SYT1: variants seen among roughly 807,000 people sequenced by gnomAD.
SYT1 encodes the protein synaptotagmin 1.
A neutral mutation model predicts 44.8 loss-of-function variants in SYT1; 8 were observed. The observed-to-expected ratio is 0.18, with a 90% confidence interval of 0.10 to 0.32. The LOEUF (loss-of-function observed/expected upper bound fraction) is 0.32, where lower values mean the gene tolerates loss of function less well. Among genes scored for constraint, SYT1 ranks in the 10% least tolerant of loss-of-function variants. SYT1 has a pLI of 1.00. For missense variants in SYT1, 286 were observed against 509.3 expected (o/e 0.56, Z 4.22); for synonymous variants, 154 against 188.8 (o/e 0.82, Z 1.51).
chr12:79,440,013 G>T (rs138122518), intron 9 of SYT1, among the ~76,000 whole-genome samples: 183 of 152,194 alleles, frequency 1.2e-3, no homozygotes, highest in African/African-American at 4.3e-3. Context: ...ATCACCTGAG[G>T]TCAGGAGCTC....
chr12:79,006,647 G>A (rs999152590), intron 2 of SYT1, among the ~76,000 whole-genome samples: 2 of 151,834 alleles, frequency 1.3e-5, no homozygotes, highest in African/African-American at 4.8e-5. Context: ...TTTTGTTTTG[G>A]GTTTTGTTAT....
chr12:79,050,577 A>G (rs897231910), intron 3 of SYT1, among the ~76,000 whole-genome samples: 14 of 151,986 alleles, frequency 9.2e-5, no homozygotes, highest in Non-Finnish European at 1.9e-4. Context: ...CGTGTTAGAA[A>G]CTCTTCATAT....
rs1565723159 is a variant in SYT1 at position 78,931,203 on chromosome 12, GAAAGAAAGAAAGAAAGA to G, written c.-216-46593_-216-46577del. Among the ~76,000 whole-genome samples the G allele has an allele frequency of 5.9e-4, 23 of 38,998 alleles. 1 individual carries two copies. The highest frequency in any genetic ancestry group is 2.7e-3 in the African/African-American group (19 of 7,062). 25.6% of individuals were successfully genotyped at this position (38,998 alleles called of 152,430 possible). On this transcript the variant is annotated intron_variant, in intron 1 of 10. Coordinates refer to ENST00000261205, the MANE Select transcript of SYT1 (RefSeq NM_005639.3). ...AAAAAGAAAGAAAGAAAGAAAGAAA[GAAAGAAAGAAAGAAAGA>G]AAGAAAGAAAGAAAGAAAGAAGGAA...
chr12:79,430,189 T>A (rs1301592612), intron 9 of SYT1, among the ~76,000 whole-genome samples: 1 of 152,226 alleles, frequency 6.6e-6, no homozygotes, highest in Non-Finnish European at 1.5e-5. Context: ...GTTCTCTAGC[T>A]GTAAAACTTG....
In SYT1 at chr12:79,296,240, TTTG is replaced by T. The variant is rs761933348; in HGVS notation, c.642+7_642+9del. ...CAATGAGCAATTTACTTTCAAGGTA[TTTG>T]TTAACATTTATTTATAACCTTTCCT... On this transcript the variant is annotated splice_donor_5th_base_variant and intron_variant, in intron 7 of 10. Coordinates refer to ENST00000261205, the MANE Select transcript of SYT1 (RefSeq NM_005639.3). 1 of 1,611,302 alleles carries T rather than the reference TTTG, an allele frequency of 6.2e-7. No homozygotes were observed. Among genetic ancestry groups the T allele is most frequent in the Non-Finnish European group, 8.5e-7 (1 of 1,178,818 alleles).
chr12:79,327,854 G>C (rs1881673207), intron 8 of SYT1, among the ~76,000 whole-genome samples: 1 of 152,172 alleles, frequency 6.6e-6, no homozygotes, highest in Non-Finnish European at 1.5e-5. Flanking sequence ...AGAGGAAGCA[G>C]GGAAAGCATT....
intron 3 of SYT1, among the ~76,000 whole-genome samples, chr12:79,114,470 A>C (rs1416925635): frequency 6.6e-6 from 1 of 152,108 alleles, no homozygotes; most frequent in Non-Finnish European, 1.5e-5. Context: ...AAGGGGGCTG[A>C]TGCTCAATTC....
At chr12:79,111,079 A>T (rs891941130) in intron 3 of SYT1, among the ~76,000 whole-genome samples, 10 of 152,142 alleles carry the variant, frequency 6.6e-5, no homozygotes, top group Non-Finnish European at 1.3e-4. Flanking sequence ...ATGAAAAATG[A>T]AGGATGTTCT....
intron 3 of SYT1, among the ~76,000 whole-genome samples, chr12:79,102,188 C>T (rs1765985862): frequency 6.6e-6 from 1 of 152,046 alleles, no homozygotes; most frequent in African/African-American, 2.4e-5. Context: ...GCAAAAAATG[C>T]TTTATAATAT....
chr12:78,988,780 G>C (rs1211943353), intron 2 of SYT1, among the ~76,000 whole-genome samples: 1 of 152,046 alleles, frequency 6.6e-6, no homozygotes, highest in Non-Finnish European at 1.5e-5. Flanking sequence ...CCATTGGAGG[G>C]TTTTCAATAG....
intron 3 of SYT1, among the ~76,000 whole-genome samples, chr12:79,216,157 C>T (rs1399286977): frequency 6.6e-6 from 1 of 152,008 alleles, no homozygotes; most frequent in African/African-American, 2.4e-5. Context: ...TCTCGAACTC[C>T]TGACCTCAAG....
intron 5 of SYT1, among the ~76,000 whole-genome samples, chr12:79,288,091 G>A (rs936725827): frequency 1.3e-5 from 2 of 152,026 alleles, no homozygotes; most frequent in Non-Finnish European, 2.9e-5. Context: ...AGGGATAAAC[G>A]TTTATATAAC....
intron 2 of SYT1, among the ~76,000 whole-genome samples, chr12:79,001,047 G>A (rs999774246): frequency 1.3e-5 from 2 of 152,010 alleles, no homozygotes; most frequent in African/African-American, 4.8e-5. Flanking sequence ...GATTGCCCAT[G>A]GAATCCCTTA....
chr12:79,002,906 G>T (rs1291449382), intron 2 of SYT1, among the ~76,000 whole-genome samples: 1 of 151,916 alleles, frequency 6.6e-6, no homozygotes, highest in Non-Finnish European at 1.5e-5. Flanking sequence ...TGAGTACAAG[G>T]ATCTTTTATT....
chr12:79,346,380 TG>T (rs1224844029), intron 8 of SYT1, among the ~76,000 whole-genome samples: 2 of 152,202 alleles, frequency 1.3e-5, no homozygotes, highest in Non-Finnish European at 2.9e-5. Flanking sequence ...GATTGTCAGC[TG>T]TATATTCTAA....
chr12:78,865,573 G>C (rs1017201414), intron 1 of SYT1, among the ~76,000 whole-genome samples: 6 of 151,924 alleles, frequency 3.9e-5, no homozygotes, highest in African/African-American at 7.3e-5. Flanking sequence ...ATGGGGGGGG[G>C]GGGGAACGTA....
chr12:79,039,871 T>C (rs1244992448), intron 2 of SYT1, among the ~76,000 whole-genome samples: 1 of 142,192 alleles, frequency 7.0e-6, no homozygotes, highest in Non-Finnish European at 1.5e-5. Context: ...GAATATGCGG[T>C]GTTTGGTTTT....
At chr12:79,179,711 T>C (rs1176780683) in intron 3 of SYT1, among the ~76,000 whole-genome samples, 1 of 151,770 alleles carries the variant, frequency 6.6e-6, no homozygotes, top group Non-Finnish European at 1.5e-5. Flanking sequence ...GGAGCCACCA[T>C]GCCTGGCTGA....
intron 3 of SYT1, among the ~76,000 whole-genome samples, chr12:79,049,796 T>C (rs532092166): frequency 5.5e-4 from 84 of 151,538 alleles, no homozygotes; most frequent in African/African-American, 2.0e-3. Context: ...TACAAACCTC[T>C]TACAATTTTG....
Sources: allele counts gnomAD v4.1 joint callset (sites outside exome capture counted in the v4.1 genomes callset), GRCh38; gene constraint gnomAD v4.1.1; transcripts MANE v1.5; gene names NCBI Gene and HGNC (gene_info 2026-07-23, HGNC 2026-07-21).